LIPK: variants seen among roughly 807,000 people sequenced by gnomAD.
The protein encoded by LIPK is lipase family member K, also known as lipase member K.
Under a neutral mutation model 48.6 loss-of-function variants are expected in LIPK, and 32 were observed. That is an observed-to-expected ratio of 0.66 (90% CI 0.50 to 0.88). The LOEUF (loss-of-function observed/expected upper bound fraction) is 0.88. Ranked by LOEUF, LIPK falls within the 40% of genes least tolerant of loss-of-function variation. The pLI, the probability that LIPK is intolerant of heterozygous loss-of-function variation, is 0.00. For synonymous variants in LIPK, 164 were observed against 157.4 expected (o/e 1.04, Z -0.32); for missense variants, 507 against 478.5 (o/e 1.06, Z -0.56).
intron 1 of LIPK, among the ~76,000 whole-genome samples, chr10:88,719,733 G>T (rs1842185710): frequency 6.6e-6 from 1 of 152,120 alleles, no homozygotes; most frequent in African/African-American, 2.4e-5. Context: ...GGTGGGGACT[G>T]GTTAAGAATG....
At chr10:88,723,806 T>C (rs976410185) in intron 1 of LIPK, among the ~76,000 whole-genome samples, 9 of 152,096 alleles carry the variant, frequency 5.9e-5, no homozygotes, top group Non-Finnish European at 1.0e-4. Flanking sequence ...TGTGTCATCA[T>C]TGAACTCAAA....
intron 1 of LIPK, 28 bp from the exon 2 acceptor site, chr10:88,724,505 G>T: frequency 7.6e-7 from 1 of 1,319,294 alleles, no homozygotes; most frequent in Admixed American, 2.2e-5. Flanking sequence ...TATCTTTGAT[G>T]ACAAATATAT....
intron 6 of LIPK, among the ~76,000 whole-genome samples, chr10:88,733,910 T>G (rs890103078): frequency 1.3e-5 from 2 of 152,158 alleles, no homozygotes; most frequent in Admixed American, 1.3e-4. Flanking sequence ...AGGGTGTATG[T>G]GAGAGTAGAA....
intron 7 of LIPK, 63 bp downstream of exon 7, chr10:88,737,844 A>T: frequency 6.4e-7 from 1 of 1,557,376 alleles, no homozygotes; most frequent in Non-Finnish European, 8.8e-7. Flanking sequence ...GATGAAAGTT[A>T]TCCTGGATTG....
chr10:88,741,393 G>A (rs368431728), intron 8 of LIPK, among the ~76,000 whole-genome samples: 2 of 152,002 alleles, frequency 1.3e-5, no homozygotes, highest in Non-Finnish European at 2.9e-5. Flanking sequence ...CCCAGATAAC[G>A]TTTGTTTCTT....
At chr10:88,715,983 A>G (rs1252081671) in intron 1 of LIPK, among the ~76,000 whole-genome samples, 1 of 152,146 alleles carries the variant, frequency 6.6e-6, no homozygotes, top group Non-Finnish European at 1.5e-5. Context: ...TGAGAGAACT[A>G]GTCTTGTATG....
rs939712798 is a variant in LIPK at position 88,743,386 on chromosome 10, C to G, written c.960+65C>G. The G allele has an allele frequency of 4.4e-6, 5 of 1,144,200 alleles. No individual in the cohort carries two copies. In the African/African-American group the frequency reaches 7.6e-5, roughly 17 times the overall value. 70.9% of individuals were successfully genotyped at this position (1,144,200 alleles called of 1,614,324 possible). ...TGAACTAACAAAAATAGTGTCTACT[C>G]ATGAAGCACCTGCCACTTCCATTTA... On this transcript the variant is annotated intron_variant, in intron 9 of 9. Transcript: ENST00000404190.
At chr10:88,736,091 T>C (rs1842565765) in intron 6 of LIPK, among the ~76,000 whole-genome samples, 1 of 151,848 alleles carries the variant, frequency 6.6e-6, no homozygotes, top group South Asian at 2.1e-4. Context: ...GTACCAAGAT[T>C]TCATACTCCT....
At chr10:88,709,635 A>AT (rs879711268) in intron 1 of LIPK, among the ~76,000 whole-genome samples, 436 of 144,032 alleles carry the variant, frequency 3.0e-3, no homozygotes, top group African/African-American at 6.2e-3. Context: ...TCCTCTTTCT[A>AT]TTTTTTTTTT....
intron 3 of LIPK, among the ~76,000 whole-genome samples, chr10:88,730,579 G>A (rs1842444506): frequency 6.6e-6 from 1 of 152,236 alleles, no homozygotes; most frequent in Admixed American, 6.5e-5. Flanking sequence ...GTGAGCCACC[G>A]CGCCTGGCAA....
At chr10:88,745,897 G>A (rs1842757711) in intron 9 of LIPK, among the ~76,000 whole-genome samples, 1 of 152,146 alleles carries the variant, frequency 6.6e-6, no homozygotes, top group South Asian at 2.1e-4. Context: ...CTTGCATGCA[G>A]TGACACTCCT....
intron 3 of LIPK, among the ~76,000 whole-genome samples, chr10:88,730,191 GTTTT>G (rs1212734102): frequency 6.6e-6 from 1 of 152,132 alleles, no homozygotes; most frequent in African/African-American, 2.4e-5. Flanking sequence ...AAAAATTTAA[GTTTT>G]TAATCAGATG....
At position 88,732,475 on chromosome 10, in the gene LIPK, T is replaced by C. The variant is rs1842487838; in HGVS notation, c.593T>C (p.Leu198Pro). Residue 198 changes from leucine to proline, a missense_variant, in exon 6 of 10, where the codon CTG becomes CCG. Leu to Pro is a moderately conservative substitution (Grantham distance 98). Coordinates refer to ENST00000404190, the MANE Select transcript of LIPK (RefSeq NM_001080518.2). ...AAAAAGATTAAGATATTTTTTGCAC[T>C]GGCTCCAGTTGTCACAGTTAAATAC... ...LAKKIKIFFA[L>P]APVVTVKYTQ... is the part of the protein sequence containing the mutation. The C allele has an allele frequency of 1.2e-6, 2 of 1,613,754 alleles. No individual in the cohort carries two copies. Among genetic ancestry groups the C allele is most frequent in the Non-Finnish European group, 1.7e-6 (2 of 1,179,770 alleles).
chr10:88,751,686 CCA>C (rs953597340), intron 9 of LIPK, among the ~76,000 whole-genome samples: 1 of 151,812 alleles, frequency 6.6e-6, no homozygotes, highest in African/African-American at 2.4e-5. Context: ...TGGGGATATG[CCA>C]CACACACACA....
intron 8 of LIPK, 30 bp downstream of exon 8, chr10:88,740,097 C>T (rs1284855302): frequency 1.3e-6 from 2 of 1,563,326 alleles, no homozygotes; most frequent in African/African-American, 1.4e-5. Flanking sequence ...GCTTGATGCA[C>T]ACATATCTCT....
At chr10:88,716,401 A>T (rs1318113239) in intron 1 of LIPK, among the ~76,000 whole-genome samples, 2 of 120,398 alleles carry the variant, frequency 1.7e-5, no homozygotes, top group Non-Finnish European at 3.2e-5. Context: ...TCTGTCATTC[A>T]GGTGGGAGTG....
chr10:88,736,313 A>T (rs563663859), intron 6 of LIPK, among the ~76,000 whole-genome samples: 1 of 152,320 alleles, frequency 6.6e-6, no homozygotes, highest in South Asian at 2.1e-4. Context: ...TAAGCCTTGT[A>T]CATATTATCT....
At chr10:88,740,115 C>T (rs372344406) in intron 8 of LIPK, 48 bp downstream of exon 8, 1,081 of 1,451,686 alleles carry the variant, frequency 7.4e-4, no homozygotes, top group Non-Finnish European at 9.7e-4. Context: ...TCTGCAAGAC[C>T]CTCAAGAAGT....
chr10:88,732,445 T>C lies in LIPK; in HGVS notation c.563T>C (p.Leu188Pro), dbSNP rs200583975. 146 of 1,613,410 alleles carry C rather than the reference T, an allele frequency of 9.0e-5. No individual in the cohort carries two copies. The highest frequency in any genetic ancestry group is 1.3e-5 in the African/African-American group (1 of 74,910). ...AFIAFSTNPELAKKIKIFFAL... is the reference protein window; with the variant it reads ...AFIAFSTNPEPAKKIKIFFAL... ...ATAGCATTTTCTACAAACCCAGAAC[T>C]GGCTAAAAAGATTAAGATATTTTTT... The change falls in exon 6 of 10, where the codon CTG (leucine) becomes CCG (proline). Residue 188 changes from leucine to proline, a missense_variant. Leu to Pro is a moderately conservative substitution (Grantham distance 98, BLOSUM62 -3). Coordinates refer to ENST00000404190, the MANE Select transcript of LIPK (RefSeq NM_001080518.2).
Sources: gnomAD v4.1 joint callset for allele counts (sites outside exome capture counted in the v4.1 genomes callset) on GRCh38, gnomAD v4.1.1 for gene constraint, MANE v1.5 for transcripts, NCBI Gene and HGNC (gene_info 2026-07-23, HGNC 2026-07-21) for gene names.